The following WDR41 variants were observed in gnomAD, a reference collection of about 807,000 sequenced individuals.
WDR41 encodes the protein WD repeat domain 41.
Under a neutral mutation model 69.3 loss-of-function variants are expected in WDR41, and 63 were observed. That is an observed-to-expected ratio of 0.91 (90% confidence interval 0.74 to 1.12). The LOEUF (loss-of-function observed/expected upper bound fraction) is 1.12, where lower values mean the gene tolerates loss of function less well. Among genes scored for constraint, WDR41 ranks in the 50% most tolerant of loss-of-function variants. The probability of loss-of-function intolerance (pLI) is 0.00; values close to 1 mark genes in which losing one functional copy is unlikely to be tolerated. For missense variants in WDR41, 543 were observed against 534.5 expected, an observed-to-expected ratio of 1.02 and a Z score of -0.16; for synonymous variants, 185 against 192.1, an observed-to-expected ratio of 0.96 and a Z score of 0.31.
rs866362828 is a variant in WDR41 at position 77,462,302 on chromosome 5, G to A, written c.348+793C>T. 1.6e-4 allele frequency among the ~76,000 whole-genome samples: 24 copies of A among 151,320 alleles called. 1 individual carries two copies. The Middle Eastern group carries it at 0.01, about 64-fold the overall frequency. ...CACAGGCCTGTAATCCCAGCTACTC[G>A]GGAGTCTGAAGCAGGAGAATCGCTT... On this transcript the variant is annotated intron_variant, in intron 4 of 12. Coordinates refer to ENST00000296679, the MANE Select transcript of WDR41 (RefSeq NM_018268.4).
intron 1 of WDR41, among the ~76,000 whole-genome samples, chr5:77,549,765 A>G (rs1743264078): frequency 6.6e-6 from 1 of 152,128 alleles, no homozygotes; most frequent in African/African-American, 2.4e-5. Flanking sequence ...ATTAGAAAAA[A>G]CTTCTGAAAT....
intron 4 of WDR41, among the ~76,000 whole-genome samples, chr5:77,461,546 AAATT>A (rs1800061916): frequency 6.6e-6 from 1 of 152,230 alleles, no homozygotes; most frequent in Non-Finnish European, 1.5e-5. Flanking sequence ...ATACTTTTAA[AAATT>A]AATATGACCG....
At chr5:77,493,967 T>C (rs1429616535), upstream of WDR41, among the ~76,000 whole-genome samples, 1 of 152,176 alleles carries the variant, frequency 6.6e-6, no homozygotes, top group Non-Finnish European at 1.5e-5. Flanking sequence ...AAAGAATTTT[T>C]TACAAGATTA....
At chr5:77,611,788 A>G (rs989984699) in intron 1 of WDR41, among the ~76,000 whole-genome samples, 5 of 151,210 alleles carry the variant, frequency 3.3e-5, no homozygotes, top group Admixed American at 6.6e-5. Context: ...AAATAACTAA[A>G]ATCAGAGCAG....
In WDR41 at chr5:77,438,219, A is replaced by G. The variant is rs746459687; in HGVS notation, c.1004+21T>C. ...ACTGTGACTTGCTTTCATCTATTGC[A>G]GAACAGATGGGAACTTGTACCTGTT... On this transcript the variant is annotated intron_variant, in intron 10 of 12. Coordinates refer to ENST00000296679, the MANE Select transcript of WDR41 (RefSeq NM_018268.4). 3 of 1,613,594 alleles carry G rather than the reference A, an allele frequency of 1.9e-6. No individual in the cohort carries two copies. In the South Asian group the frequency reaches 3.3e-5, roughly 18 times the overall value.
chr5:77,433,118 ATTT>A lies in WDR41; in HGVS notation c.*14_*16del. ...TGATGTTCAAGGTTCATGCATGTGT[ATTT>A]TTAATTCCTTAAACTAGACAGCAAG... is the stretch of plus-strand genomic sequence containing the variant. On this transcript the variant is annotated 3_prime_UTR_variant, in exon 13 of 13. Transcript: ENST00000296679. 6.2e-7 allele frequency: 1 copy of A among 1,604,034 alleles called. No homozygotes were observed. The highest frequency in any genetic ancestry group is 1.1e-5 in the South Asian group (1 of 89,134).
chr5:77,619,545 A>G (rs1162502787), intron 1 of WDR41, among the ~76,000 whole-genome samples: 1 of 152,026 alleles, frequency 6.6e-6, no homozygotes, highest in African/African-American at 2.4e-5. Flanking sequence ...GCTTCTCCCC[A>G]GACCTGACCC....
chr5:77,452,072 T>C (rs1047034473), intron 6 of WDR41: 4 of 151,936 alleles, frequency 2.6e-5, no homozygotes, highest in Non-Finnish European at 5.9e-5. Context: ...ATTTATAATA[T>C]ATATGCAAGT....
At chr5:77,483,312 A>AT (rs1190206570) in intron 2 of WDR41, among the ~76,000 whole-genome samples, 4 of 151,512 alleles carry the variant, frequency 2.6e-5, no homozygotes, top group Non-Finnish European at 5.9e-5. Flanking sequence ...TAATTTTTGT[A>AT]TTTTTTAATA....
chr5:77,484,473 T>G (rs776370686), intron 2 of WDR41, among the ~76,000 whole-genome samples: 4 of 152,008 alleles, frequency 2.6e-5, no homozygotes, highest in Non-Finnish European at 4.4e-5. Flanking sequence ...TTGTCTAAAG[T>G]CAACGTCACA....
chr5:77,576,280 C>A (rs1373231847), intron 1 of WDR41, among the ~76,000 whole-genome samples: 1 of 152,062 alleles, frequency 6.6e-6, no homozygotes, highest in African/African-American at 2.4e-5. Context: ...TTAACATGCA[C>A]AATTCTCCCA....
At chr5:77,467,455 T>C (rs1027499448) in intron 2 of WDR41, among the ~76,000 whole-genome samples, 1 of 151,996 alleles carries the variant, frequency 6.6e-6, no homozygotes, top group Non-Finnish European at 1.5e-5. Flanking sequence ...ATCTAAGACA[T>C]CAATTGTAAG....
chr5:77,615,870 G>A (rs183974897), intron 1 of WDR41, among the ~76,000 whole-genome samples: 1 of 152,106 alleles, frequency 6.6e-6, no homozygotes, highest in East Asian at 1.9e-4. Flanking sequence ...GCATATGCCT[G>A]TAATCCCAGA....
At chr5:77,582,465 CA>C in intron 1 of WDR41, 1 of 1,602,846 alleles carries the variant, frequency 6.2e-7, no homozygotes, top group Non-Finnish European at 8.5e-7. Context: ...AGCTGAAGAT[CA>C]AGCGCCTGAG....
At chr5:77,588,519 A>T (rs1239169028) in intron 1 of WDR41, among the ~76,000 whole-genome samples, 1 of 145,200 alleles carries the variant, frequency 6.9e-6, no homozygotes, top group Non-Finnish European at 1.5e-5. Flanking sequence ...CCTTTTTTGG[A>T]AAAAAAATGA....
intron 1 of WDR41, among the ~76,000 whole-genome samples, chr5:77,612,533 A>G (rs1226109815): frequency 3.3e-5 from 5 of 152,198 alleles, no homozygotes; most frequent in African/African-American, 1.2e-4. Context: ...ACAGAACCAA[A>G]GACAAAAACC....
intron 1 of WDR41, among the ~76,000 whole-genome samples, chr5:77,501,123 A>C (rs1205067438): frequency 1.3e-5 from 2 of 152,246 alleles, no homozygotes; most frequent in African/African-American, 4.8e-5. Context: ...TTTCCTAGCC[A>C]AGGGAAGCCG....
intron 4 of WDR41, among the ~76,000 whole-genome samples, chr5:77,459,942 C>G (rs969545391): frequency 1.8e-4 from 28 of 152,122 alleles, no homozygotes; most frequent in African/African-American, 6.0e-4. Flanking sequence ...ACACATCTAT[C>G]AAACATCATA....
At chr5:77,553,383 A>G (rs1259707618) in intron 1 of WDR41, among the ~76,000 whole-genome samples, 2 of 152,138 alleles carry the variant, frequency 1.3e-5, no homozygotes, top group African/African-American at 2.4e-5. Context: ...AAAAGGGCCT[A>G]AGCTAGTTCC....
Sources: allele counts gnomAD v4.1 joint callset (sites outside exome capture counted in the v4.1 genomes callset), GRCh38; gene constraint gnomAD v4.1.1; transcripts MANE v1.5; gene names NCBI Gene and HGNC (gene_info 2026-07-23, HGNC 2026-07-21).